The following USP36 variants were observed in gnomAD, a reference collection of about 807,000 sequenced individuals.
USP36 encodes ubiquitin specific peptidase 36, also known as ubiquitin carboxyl-terminal hydrolase 36.
Under a neutral mutation model 111.5 loss-of-function variants are expected in USP36, and 59 were observed. The observed-to-expected ratio is 0.53, with a 90% CI of 0.43 to 0.66. The LOEUF is 0.66. Ranked by LOEUF, USP36 falls within the 30% of genes least tolerant of loss-of-function variation. The pLI, the probability that USP36 is intolerant of heterozygous loss-of-function variation, is 0.00. For missense variants in USP36, 1,488 were observed against 1,468.0 expected (o/e 1.01, Z -0.22); for synonymous variants, 628 against 581.0 (o/e 1.08, Z -1.16).
At chr17:78,832,776 C>G (rs1010781209) in intron 4 of USP36, among the ~76,000 whole-genome samples, 2 of 152,164 alleles carry the variant, frequency 1.3e-5, no homozygotes, top group African/African-American at 2.4e-5. Flanking sequence ...CTAGTCAAAT[C>G]TTACTGAAAG....
intron 4 of USP36, among the ~76,000 whole-genome samples, chr17:78,831,947 A>AC (rs1266545339): frequency 6.6e-6 from 1 of 151,398 alleles, no homozygotes; most frequent in African/African-American, 2.4e-5. Context: ...TGTCTCAAAA[A>AC]AAAAAAAAAA....
At chr17:78,788,773 A>C (rs2093557078) in intron 3 of USP36, among the ~76,000 whole-genome samples, 1 of 152,074 alleles carries the variant, frequency 6.6e-6, no homozygotes, top group South Asian at 2.1e-4. Flanking sequence ...CCTCCCCTCC[A>C]CCAAGGGGAG....
intron 15 of USP36, among the ~76,000 whole-genome samples, 200 bp downstream of exon 15, chr17:78,805,956 T>G (rs1179989615): frequency 4.6e-5 from 7 of 152,150 alleles, no homozygotes; most frequent in Non-Finnish European, 1.0e-4. Flanking sequence ...CGAACTGCCT[T>G]CACCACCCAA....
chr17:78,800,249 C>T (rs1344189205), intron 17 of USP36, among the ~76,000 whole-genome samples: 1 of 152,166 alleles, frequency 6.6e-6, no homozygotes, highest in Non-Finnish European at 1.5e-5. Flanking sequence ...ACGGGAGAGG[C>T]CCATGCCCCA....
intron 13 of USP36, among the ~76,000 whole-genome samples, chr17:78,812,463 G>C (rs2094084794): frequency 6.6e-6 from 1 of 152,064 alleles, no homozygotes; most frequent in South Asian, 2.1e-4. Context: ...GCCGAGGCGG[G>C]CAGATCCTGA....
intron 1 of USP36, among the ~76,000 whole-genome samples, chr17:78,839,535 C>T (rs963734101): frequency 2.1e-4 from 32 of 152,248 alleles, no homozygotes; most frequent in Admixed American, 2.1e-3. Context: ...AGAACTCTGT[C>T]ATGCACAACC....
chr17:78,836,313 G>A lies in USP36; in HGVS notation c.51C>T (p.Asp17=). The part of the protein sequence containing the change: ...LKEALKPGRK[D]SADDGELGKL... Reference sequence around the variant, plus strand: ...TCCCCAGTTCTCCATCATCAGCCGAGTCCTTGCGGCCGGGTTTCAGGGCCT... The same window carrying A: ...TCCCCAGTTCTCCATCATCAGCCGAATCCTTGCGGCCGGGTTTCAGGGCCT... Residue 17 remains aspartate, a synonymous_variant, in exon 3 of 21, where the codon GAC becomes GAT. Coordinates refer to ENST00000449938, the MANE Select transcript of USP36 (RefSeq NM_001385174.1). 10 of 1,614,166 alleles carry A rather than the reference G, an allele frequency of 6.2e-6. No homozygotes were observed. The highest frequency in any genetic ancestry group is 2.2e-5 in the East Asian group (1 of 44,880).
intron 5 of USP36, among the ~76,000 whole-genome samples, chr17:78,828,526 C>T (rs1480022326): frequency 6.6e-6 from 1 of 152,156 alleles, no homozygotes; most frequent in Non-Finnish European, 1.5e-5. Context: ...GACCTGCCCC[C>T]ACTAAGAGGC....
At chr17:78,806,895 C>A in intron 14 of USP36, 64 bp downstream of exon 14, 1 of 1,573,880 alleles carries the variant, frequency 6.4e-7, no homozygotes, top group Non-Finnish European at 8.6e-7. Context: ...CCCTTCAAAC[C>A]ACAACCAAGC....
chr17:78,827,317 T>C lies in USP36; in HGVS notation c.617A>G (p.Gln206Arg). Reference protein sequence around the residue: ...KIARHFRFGNQEDAHEFLRYT... With the variant: ...KIARHFRFGNREDAHEFLRYT... ...CCGCAGGAACTCATGCGCGTCCTCC[T>C]GGTTCCCAAAGCGGAAGTGTCGGGC... is the stretch of plus-strand genomic sequence containing the variant. Residue 206 changes from glutamine to arginine, a missense_variant, in exon 6 of 21, where the codon CAG becomes CGG. This residue lies in a region of USP36 where 196 missense variants were observed against 264.4 expected (regional missense o/e 0.74). Coordinates refer to ENST00000449938, the MANE Select transcript of USP36 (RefSeq NM_001385174.1). The C allele has an allele frequency of 1.9e-6, 3 of 1,613,334 alleles. No homozygotes were observed. The highest frequency in any genetic ancestry group is 2.5e-6 in the Non-Finnish European group (3 of 1,179,332).
In USP36 at chr17:78,798,639, C is replaced by T. The variant is rs528571342; in HGVS notation, c.3241-88G>A. The T allele has an allele frequency of 1.7e-4, 263 of 1,581,740 alleles. 6 individuals are homozygous for T. The South Asian group carries it at 1.7e-3, about 10-fold the overall frequency. ...CCATGCTGCATGCAGGTCCTGCACA[C>T]AGGCCGGGCTCTCATGAGCTCTCTG... On this transcript the variant is annotated intron_variant, in intron 19 of 20. Coordinates refer to ENST00000449938, the MANE Select transcript of USP36 (RefSeq NM_001385174.1). This position sits in a 1 kb window ranked among gnomAD's most constrained non-coding sequence, Gnocchi z 5.1.
In USP36 at chr17:78,821,945, C is replaced by G; in HGVS notation, c.749G>C (p.Arg250Thr). ...LVHQIFGGYL[R>T]SRVKCSVCKS... ...CAAACGTCTCCACTTACCGCGTGAT[C>G]TGAGATACCCTCCAAAAATTTGATG... The change falls in exon 7 of 21, where the codon AGA becomes ACA. Residue 250 changes from arginine (R) to threonine (T), a missense_variant. Around this residue, in one of 3 missense-constraint regions of USP36, gnomAD observed 196 missense variants for 264.4 expected, o/e 0.74. Transcript: ENST00000449938. 1.2e-6 allele frequency: 2 copies of G among 1,614,138 alleles called. No individual in the cohort carries two copies. Among genetic ancestry groups the G allele is most frequent in the Non-Finnish European group, 1.7e-6 (2 of 1,179,994 alleles).
Position 78,812,714 on chromosome 17 carries a change from A to G in USP36, c.1407+146T>C, listed in dbSNP as rs540372637. The G allele has an allele frequency of 9.9e-5, 86 of 868,762 alleles. 2 individuals carry two copies. The South Asian group carries it at 1.2e-3, about 12-fold the overall frequency. 53.8% of individuals were successfully genotyped at this position (868,762 alleles called of 1,614,324 possible). On this transcript the variant is annotated intron_variant, in intron 13 of 20. Transcript: ENST00000449938. ...TCTGTCTCGAAAAAAAAAAAAAAAAAAAAAGAAAAGAAAAGAAATAACATC... is the reference window on the plus strand; with the variant it reads ...TCTGTCTCGAAAAAAAAAAAAAAAAGAAAAGAAAAGAAAAGAAATAACATC...
In USP36 at chr17:78,800,154, A is replaced by C. The variant is rs542355014; in HGVS notation, c.3023-386T>G. 1.3e-4 allele frequency among the ~76,000 whole-genome samples: 20 copies of C among 150,998 alleles called. No individual in the cohort carries two copies. In the South Asian group the frequency reaches 4.0e-3, roughly 30 times the overall value. ...AAAACCAAAAAAAAAAAAACCCTCC[A>C]AAACCCCTTTAACCAGTAGTGTTAA... On this transcript the variant is annotated intron_variant, in intron 17 of 20. Transcript: ENST00000449938.
At chr17:78,833,550 A>T (rs1456303341) in intron 4 of USP36, among the ~76,000 whole-genome samples, 1 of 152,190 alleles carries the variant, frequency 6.6e-6, no homozygotes, top group Non-Finnish European at 1.5e-5. Flanking sequence ...TAAGGAAGAC[A>T]GTCTCATTCT....
At chr17:78,836,078 G>A (rs749274687) in intron 3 of USP36, 33 bp downstream of exon 3, 24 of 1,603,226 alleles carry the variant, frequency 1.5e-5, no homozygotes, top group African/African-American at 4.0e-5. Flanking sequence ...CCCGGAGTGA[G>A]GGCCTCTCTG....
In USP36 at chr17:78,815,998, T is replaced by A. The variant is rs565139862; in HGVS notation, c.1024-1446A>T. 7.2e-5 allele frequency among the ~76,000 whole-genome samples: 11 copies of A among 152,164 alleles called. No homozygotes were observed. In the East Asian group the frequency reaches 2.1e-3, roughly 29 times the overall value. On this transcript the variant is annotated intron_variant, in intron 10 of 20. Coordinates refer to ENST00000449938, the MANE Select transcript of USP36 (RefSeq NM_001385174.1). ...CATATAATACGTGCACACACATATA[T>A]ACATACATGCACACACATATATTCT...
chr17:78,802,244 CCGG>C (rs2144994407), intron 17 of USP36, 77 bp downstream of exon 17: 7 of 1,437,020 alleles, frequency 4.9e-6, no homozygotes, highest in Middle Eastern at 2.5e-4. Flanking sequence ...AACCCCTCGC[CCGG>C]TGCACACCCA....
chr17:78,828,206 C>G (rs941083648), intron 5 of USP36, among the ~76,000 whole-genome samples: 3 of 152,126 alleles, frequency 2.0e-5, no homozygotes, highest in Non-Finnish European at 4.4e-5. Context: ...AGAGCAAAAC[C>G]CTGTCTCAAA....
Sources: gnomAD v4.1 joint callset for allele counts (sites outside exome capture counted in the v4.1 genomes callset) on GRCh38, gnomAD v4.1.1 for gene constraint, gnomAD v4.1.1 regional missense constraint, Gnocchi (gnomAD v3.1) non-coding constraint, MANE v1.5 for transcripts, NCBI Gene and HGNC (gene_info 2026-07-23, HGNC 2026-07-21) for gene names.